Variants in DENND1A observed in about 807,000 individuals in gnomAD.
DENND1A encodes the protein DENN domain-containing protein 1A.
A neutral mutation model predicts 113.7 loss-of-function variants in DENND1A; 51 were observed. The ratio of observed to expected loss-of-function variants is 0.45; its 90% CI spans 0.36 to 0.57. The LOEUF is 0.57. DENND1A is among the 20% of genes least tolerant of loss of function. DENND1A has a pLI of 0.00. For missense variants in DENND1A, 1,258 were observed against 1,395.9 expected (o/e 0.90, Z 1.57); for synonymous variants, 565 against 570.8 (o/e 0.99, Z 0.14).
chr9:123,458,323 C>T (rs2048291033), intron 13 of DENND1A, among the ~76,000 whole-genome samples: 1 of 152,038 alleles, frequency 6.6e-6, no homozygotes, highest in Admixed American at 6.5e-5. Context: ...CTTTTCTAAC[C>T]CTCTGATAGT....
At chr9:123,636,942 C>A (rs1347772526) in intron 9 of DENND1A, among the ~76,000 whole-genome samples, 4 of 152,158 alleles carry the variant, frequency 2.6e-5, no homozygotes, top group Non-Finnish European at 5.9e-5. Flanking sequence ...GTGATCCGCC[C>A]GCCTCCAAAA....
At chr9:123,630,241 T>G in intron 10 of DENND1A, 135 bp downstream of exon 10, 1 of 167,886 alleles carries the variant, frequency 6.0e-6, no homozygotes. Flanking sequence ...AGATGGATTC[T>G]CACTATTTTG....
intron 5 of DENND1A, among the ~76,000 whole-genome samples, chr9:123,753,819 G>A (rs757978509): frequency 4.3e-4 from 65 of 152,206 alleles, no homozygotes; most frequent in Non-Finnish European, 7.3e-4. Flanking sequence ...TGCAAAGCAC[G>A]CTGGGTGTGC....
chr9:123,493,706 C>T (rs1184497916), intron 13 of DENND1A, among the ~76,000 whole-genome samples: 1 of 152,148 alleles, frequency 6.6e-6, no homozygotes, highest in Non-Finnish European at 1.5e-5. Context: ...AGACACTTTG[C>T]CCCTAGTGGT....
At chr9:123,722,808 G>A (rs988122098) in intron 5 of DENND1A, among the ~76,000 whole-genome samples, 1 of 152,246 alleles carries the variant, frequency 6.6e-6, no homozygotes, top group East Asian at 1.9e-4. Context: ...TGCTGCAGGA[G>A]TGGGGGCCCT....
chr9:123,796,448 C>T (rs926730584), intron 2 of DENND1A, among the ~76,000 whole-genome samples: 2 of 152,088 alleles, frequency 1.3e-5, no homozygotes, highest in East Asian at 1.9e-4. Flanking sequence ...TTAAGAAAGG[C>T]TAATCTTCTT....
In DENND1A at chr9:123,383,727, G is replaced by A. The variant is rs764108452; in HGVS notation, c.1947C>T (p.Gly649=). The change falls in exon 23 of 24, where the codon GGC becomes GGT. Residue 649 remains glycine, a synonymous_variant. Coordinates refer to ENST00000394215, the MANE Select transcript of DENND1A (RefSeq NM_001352964.2). ...GAAGGTCCTCTAAGCTCTTGGCCTG[G>A]CCCAGTGGCTGCAGTGCGGCCTCCA... is the stretch of plus-strand genomic sequence containing the variant. ...LDMEAALQPL[G]QAKSLEDLRA... is the part of the protein sequence containing the mutation. 1.2e-5 allele frequency: 20 copies of A among 1,614,142 alleles called. No individual in the cohort carries two copies. Among genetic ancestry groups the A allele is most frequent in the Non-Finnish European group, 1.6e-5 (19 of 1,180,040 alleles).
chr9:123,828,296 G>T (rs558672047), intron 2 of DENND1A, among the ~76,000 whole-genome samples: 208 of 151,772 alleles, frequency 1.4e-3, no homozygotes, highest in South Asian at 2.9e-3. Flanking sequence ...ATTAGTTGAA[G>T]AAAAAAACAA....
intron 6 of DENND1A, among the ~76,000 whole-genome samples, chr9:123,672,202 G>C (rs2063799141): frequency 6.6e-6 from 1 of 152,138 alleles, no homozygotes; most frequent in African/African-American, 2.4e-5. Flanking sequence ...GAGCCCTCCT[G>C]GCTTCACTAC....
intron 12 of DENND1A, among the ~76,000 whole-genome samples, chr9:123,578,841 T>TG (rs2058747756): frequency 8.0e-6 from 1 of 125,518 alleles, no homozygotes; most frequent in African/African-American, 3.4e-5. Flanking sequence ...TCAGTGTGTG[T>TG]TTGTGTGTGT....
chr9:123,503,341 A>C (rs936248381), intron 13 of DENND1A, among the ~76,000 whole-genome samples: 1 of 152,202 alleles, frequency 6.6e-6, no homozygotes, highest in Non-Finnish European at 1.5e-5. Context: ...AGTGTATTTA[A>C]GAGTACTTCG....
rs747263765 is a variant in DENND1A, at chr9:123,878,975, G to T, written c.64C>A (p.Pro22Thr). 25 of 1,613,808 alleles carry T rather than the reference G, an allele frequency of 1.5e-5. No individual in the cohort carries two copies. The South Asian group carries it at 2.6e-4, about 17-fold the overall frequency. Residue 22 changes from proline to threonine, a missense_variant, in exon 2 of 24, where the codon CCC becomes ACC. Transcript: ENST00000394215. ...TFEVYVEVAY[P>T]RTGGTLSDPE... The stretch of plus-strand genomic sequence containing the variant: ...CCTGAAAGAGTGCCACCTGTCCTGG[G>T]ATAGGCCACTTCAACATATACTTCA...
intron 2 of DENND1A, among the ~76,000 whole-genome samples, chr9:123,865,208 A>G (rs967113914): frequency 6.6e-6 from 1 of 152,232 alleles, no homozygotes; most frequent in African/African-American, 2.4e-5. Context: ...AGCAGTGGTC[A>G]GCTCTAAATC....
intron 2 of DENND1A, among the ~76,000 whole-genome samples, chr9:123,861,973 G>C (rs992824151): frequency 6.6e-6 from 1 of 152,130 alleles, no homozygotes; most frequent in Non-Finnish European, 1.5e-5. Flanking sequence ...CAAATGCCAG[G>C]CAAATCATTT....
chr9:123,579,901 T>C (rs1313370531), intron 12 of DENND1A, among the ~76,000 whole-genome samples: 6 of 152,144 alleles, frequency 3.9e-5, no homozygotes, highest in Non-Finnish European at 5.9e-5. Flanking sequence ...TTAATGAGTA[T>C]AGAGGCCCAA....
At chr9:123,828,261 GAATT>G (rs1668720525) in intron 2 of DENND1A, among the ~76,000 whole-genome samples, 1 of 151,918 alleles carries the variant, frequency 6.6e-6, no homozygotes, top group Admixed American at 6.6e-5. Context: ...ACAAAAAAAT[GAATT>G]AATAACTCAG....
chr9:123,715,493 C>T (rs1478366374), intron 5 of DENND1A, among the ~76,000 whole-genome samples: 2 of 152,144 alleles, frequency 1.3e-5, no homozygotes, highest in Admixed American at 6.5e-5. Context: ...AAAGGAGACA[C>T]TTAACACAGG....
At chr9:123,776,523 T>C (rs1830499094) in intron 3 of DENND1A, among the ~76,000 whole-genome samples, 1 of 152,200 alleles carries the variant, frequency 6.6e-6, no homozygotes, top group Admixed American at 6.5e-5. Context: ...TACCAAAAAA[T>C]AGATTCAAAT....
At chr9:123,665,472 T>G (rs955133447) in intron 8 of DENND1A, among the ~76,000 whole-genome samples, 1 of 152,226 alleles carries the variant, frequency 6.6e-6, no homozygotes, top group Non-Finnish European at 1.5e-5. Flanking sequence ...AGTCTGATCA[T>G]ACAGATAATA....
Sources: gnomAD v4.1 joint callset for allele counts (sites outside exome capture counted in the v4.1 genomes callset) on GRCh38, gnomAD v4.1.1 for gene constraint, MANE v1.5 for transcripts, NCBI Gene and HGNC (gene_info 2026-07-23, HGNC 2026-07-21) for gene names.